Variants in CORO1C observed in about 807,000 individuals in gnomAD.
CORO1C encodes coronin 1C.
Under a neutral mutation model 51.2 loss-of-function variants are expected in CORO1C, and 14 were observed. The ratio of observed to expected loss-of-function variants is 0.27; its 90% CI spans 0.18 to 0.43. The LOEUF is 0.43. Ranked by LOEUF, CORO1C falls within the 20% of genes least tolerant of loss-of-function variation. The pLI, the probability that CORO1C is intolerant of heterozygous loss-of-function variation, is 1.00. For synonymous variants in CORO1C, 181 were observed against 210.5 expected, an observed-to-expected ratio of 0.86 and a Z score of 1.21; for missense variants, 417 against 607.8, an observed-to-expected ratio of 0.69 and a Z score of 3.30.
At chr12:108,681,725 A>G (rs1327517687) in intron 2 of CORO1C, among the ~76,000 whole-genome samples, 1 of 152,240 alleles carries the variant, frequency 6.6e-6, no homozygotes, top group Non-Finnish European at 1.5e-5. Context: ...TTTGTCTCAA[A>G]GAATTGCTAT....
At chr12:108,668,440 A>ATAT (rs1168403379) in intron 3 of CORO1C, 8 of 152,340 alleles carry the variant, frequency 5.3e-5, no homozygotes, top group African/African-American at 1.7e-4. Context: ...GGCAAAAACT[A>ATAT]TATTAGAAAG....
chr12:108,723,523 C>T (rs2035522442), intron 1 of CORO1C, among the ~76,000 whole-genome samples: 1 of 152,196 alleles, frequency 6.6e-6, no homozygotes, highest in Non-Finnish European at 1.5e-5. Flanking sequence ...CCATGTGTGT[C>T]TACTATGGTC....
At chr12:108,675,685 C>T (rs980764510) in intron 3 of CORO1C, among the ~76,000 whole-genome samples, 7 of 152,246 alleles carry the variant, frequency 4.6e-5, no homozygotes, top group African/African-American at 1.2e-4. Context: ...AAATTGAAAA[C>T]AAAATGACAG....
At chr12:108,647,856 A>C (rs1041623077) in intron 10 of CORO1C, among the ~76,000 whole-genome samples, 1 of 152,200 alleles carries the variant, frequency 6.6e-6, no homozygotes, top group Non-Finnish European at 1.5e-5. Context: ...ACAGTGTCCT[A>C]CGTCCTAACC....
At chr12:108,704,406 A>C (rs979796646) in intron 1 of CORO1C, among the ~76,000 whole-genome samples, 1 of 151,896 alleles carries the variant, frequency 6.6e-6, no homozygotes, top group Non-Finnish European at 1.5e-5. Flanking sequence ...TGGTAGGCGG[A>C]GGCTTCAGTG....
intron 1 of CORO1C, among the ~76,000 whole-genome samples, chr12:108,710,394 GA>G (rs1174107088): frequency 1.3e-5 from 2 of 150,946 alleles, no homozygotes; most frequent in Non-Finnish European, 3.0e-5. Context: ...ACTTTAAAAA[GA>G]AAAAAAATGG....
At chr12:108,727,163 C>G (rs2035613257) in intron 1 of CORO1C, among the ~76,000 whole-genome samples, 1 of 152,230 alleles carries the variant, frequency 6.6e-6, no homozygotes, top group East Asian at 1.9e-4. Flanking sequence ...GTGAATTGCT[C>G]TATTGCATTC....
At chr12:108,648,455 G>A (rs1043995474) in intron 10 of CORO1C, 150 bp downstream of exon 10, 10 of 1,047,420 alleles carry the variant, frequency 9.5e-6, no homozygotes, top group African/African-American at 1.6e-5. Flanking sequence ...CCACCATCAC[G>A]TGACCGAGGA....
chr12:108,676,705 G>GAGGTTGCA (rs1403479932), intron 3 of CORO1C, among the ~76,000 whole-genome samples: 12 of 151,030 alleles, frequency 7.9e-5, no homozygotes, highest in Admixed American at 7.9e-4. Flanking sequence ...CTGGGAGGTA[G>GAGGTTGCA]AGGTTGCAGT....
At chr12:108,702,565 T>C (rs1377999502) in intron 1 of CORO1C, among the ~76,000 whole-genome samples, 3 of 152,166 alleles carry the variant, frequency 2.0e-5, no homozygotes, top group Non-Finnish European at 4.4e-5. Context: ...GTTGGTTAGA[T>C]AGAAGGAGCC....
intron 3 of CORO1C, among the ~76,000 whole-genome samples, chr12:108,666,657 T>C (rs569259262): frequency 2.6e-5 from 4 of 152,278 alleles, no homozygotes; most frequent in Admixed American, 6.5e-5. Context: ...TTGTGTGTAA[T>C]ATGGGATGCT....
intron 3 of CORO1C, among the ~76,000 whole-genome samples, chr12:108,670,383 G>A (rs1041972226): frequency 3.3e-5 from 5 of 152,152 alleles, no homozygotes; most frequent in African/African-American, 4.8e-5. Context: ...TGAAGAGGCA[G>A]GCACAATCTA....
At chr12:108,700,674 A>C (rs1366740032) in intron 2 of CORO1C, among the ~76,000 whole-genome samples, 1 of 152,172 alleles carries the variant, frequency 6.6e-6, no homozygotes, top group Non-Finnish European at 1.5e-5. Flanking sequence ...AAATTAAGAA[A>C]AGAAAAAGGG....
chr12:108,651,864 T>C (rs1266917319), intron 8 of CORO1C, among the ~76,000 whole-genome samples: 3 of 152,076 alleles, frequency 2.0e-5, no homozygotes, highest in South Asian at 2.1e-4. Flanking sequence ...CAGGTGATGA[T>C]AAAAAGTGAG....
At chr12:108,722,103 C>T (rs1288221816) in intron 1 of CORO1C, among the ~76,000 whole-genome samples, 4 of 152,134 alleles carry the variant, frequency 2.6e-5, no homozygotes, top group Non-Finnish European at 5.9e-5. Flanking sequence ...TGAAACCTTG[C>T]TGTAATGACT....
intron 1 of CORO1C, among the ~76,000 whole-genome samples, chr12:108,728,304 T>C (rs1363149701): frequency 1.3e-5 from 2 of 149,684 alleles, no homozygotes; most frequent in Non-Finnish European, 3.0e-5. Context: ...ATAAACAAAA[T>C]ACGGCATATC....
At chr12:108,682,836 G>T (rs1480632091) in intron 2 of CORO1C, among the ~76,000 whole-genome samples, 1 of 152,036 alleles carries the variant, frequency 6.6e-6, no homozygotes, top group African/African-American at 2.4e-5. Flanking sequence ...TGAGTATAAT[G>T]CAATACAATT....
At chr12:108,721,631 TTTGAA>T (rs2035475512) in intron 1 of CORO1C, among the ~76,000 whole-genome samples, 1 of 152,204 alleles carries the variant, frequency 6.6e-6, no homozygotes, top group South Asian at 2.1e-4. Context: ...TCATAAAATG[TTTGAA>T]TGAAAAGAGT....
intron 2 of CORO1C, among the ~76,000 whole-genome samples, chr12:108,694,796 T>C (rs1737900258): frequency 6.6e-6 from 1 of 152,178 alleles, no homozygotes; most frequent in Admixed American, 6.5e-5. Context: ...ACGTAGATTT[T>C]TTTCTTAAAG....
Sources: gnomAD v4.1 joint callset for allele counts (sites outside exome capture counted in the v4.1 genomes callset) on GRCh38, gnomAD v4.1.1 for gene constraint, MANE v1.5 for transcripts, NCBI Gene and HGNC (gene_info 2026-07-23, HGNC 2026-07-21) for gene names.